The following AUTS2 variants were observed in gnomAD, a reference collection of about 807,000 sequenced individuals.
AUTS2 encodes the protein autism susceptibility gene 2 protein.
Under a neutral mutation model 112.4 loss-of-function variants are expected in AUTS2, and 17 were observed. That is an observed-to-expected ratio of 0.15 (90% CI 0.10 to 0.23). AUTS2 has a LOEUF of 0.23. Among genes scored for constraint, AUTS2 ranks in the 10% least tolerant of loss-of-function variants. The pLI is 1.00. For missense variants in AUTS2, 1,510 were observed against 1,701.6 expected (o/e 0.89, Z 1.98); for synonymous variants, 751 against 702.7 (o/e 1.07, Z -1.09).
At chr7:70,282,039 T>G (rs1329040803) in intron 4 of AUTS2, among the ~76,000 whole-genome samples, 2 of 152,178 alleles carry the variant, frequency 1.3e-5, no homozygotes. Flanking sequence ...ATGATAATTT[T>G]GAGTTCTTGG....
intron 5 of AUTS2, among the ~76,000 whole-genome samples, chr7:70,665,729 G>C (rs994713055): frequency 3.7e-4 from 56 of 152,042 alleles, no homozygotes; most frequent in African/African-American, 1.3e-3. Flanking sequence ...AACCAAACTT[G>C]GATCAAAAAT....
chr7:70,622,195 G>A (rs989763250), intron 5 of AUTS2, among the ~76,000 whole-genome samples: 4 of 152,070 alleles, frequency 2.6e-5, no homozygotes, highest in Non-Finnish European at 5.9e-5. Flanking sequence ...TTCTTGGAGC[G>A]GAGATGTCCT....
chr7:70,576,763 T>C (rs1326674756), intron 5 of AUTS2, among the ~76,000 whole-genome samples: 1 of 126,488 alleles, frequency 7.9e-6, no homozygotes, highest in African/African-American at 2.6e-5. Context: ...AGTCTTTTCG[T>C]AATATATTAA....
chr7:70,438,862 G>A (rs1245224065), intron 5 of AUTS2, among the ~76,000 whole-genome samples: 1 of 152,216 alleles, frequency 6.6e-6, no homozygotes, highest in African/African-American at 2.4e-5. Context: ...CACCAGGGAT[G>A]CTGTTGGAGG....
chr7:70,527,960 A>G (rs1034592890), intron 5 of AUTS2, among the ~76,000 whole-genome samples: 19 of 152,246 alleles, frequency 1.2e-4, no homozygotes, highest in Non-Finnish European at 2.1e-4. Context: ...TTCTCTGTTG[A>G]GAGGAATTAG....
At chr7:70,367,989 G>A (rs1291226299) in intron 4 of AUTS2, among the ~76,000 whole-genome samples, 1 of 152,206 alleles carries the variant, frequency 6.6e-6, no homozygotes, top group East Asian at 1.9e-4. Context: ...GCTGAAAAGA[G>A]AAGCAAAGTG....
chr7:70,491,021 C>A (rs1275207014), intron 5 of AUTS2, among the ~76,000 whole-genome samples: 1 of 152,168 alleles, frequency 6.6e-6, no homozygotes, highest in African/African-American at 2.4e-5. Flanking sequence ...TGGCATGGGC[C>A]AGTTTCATCC....
intron 2 of AUTS2, among the ~76,000 whole-genome samples, chr7:69,935,535 G>T (rs890436162): frequency 1.3e-5 from 2 of 152,144 alleles, no homozygotes; most frequent in Admixed American, 1.3e-4. Flanking sequence ...GGTTTTAGAT[G>T]TGACCATTAG....
intron 2 of AUTS2, among the ~76,000 whole-genome samples, chr7:70,083,445 T>G (rs2129565443): frequency 6.6e-6 from 1 of 152,320 alleles, no homozygotes; most frequent in Admixed American, 6.5e-5. Flanking sequence ...TGCACCCATA[T>G]AGCATATACA....
intron 4 of AUTS2, among the ~76,000 whole-genome samples, chr7:70,355,644 C>T (rs539320143): frequency 6.6e-6 from 1 of 152,242 alleles, no homozygotes; most frequent in East Asian, 1.9e-4. Context: ...TCTTTTTTCC[C>T]TGCCAGTGAG....
intron 1 of AUTS2, among the ~76,000 whole-genome samples, chr7:69,742,111 CTTTT>C (rs752148406): frequency 1.6e-5 from 2 of 125,700 alleles, no homozygotes; most frequent in Non-Finnish European, 1.7e-5. Context: ...CCTATTTTAC[CTTTT>C]TTTTTTTTTT....
intron 1 of AUTS2, among the ~76,000 whole-genome samples, chr7:69,798,428 C>T (rs1789943018): frequency 6.6e-6 from 1 of 152,136 alleles, no homozygotes; most frequent in Non-Finnish European, 1.5e-5. Context: ...TTCCATATGC[C>T]TTTCCTTTCC....
intron 1 of AUTS2, among the ~76,000 whole-genome samples, chr7:69,893,558 C>T (rs1183048702): frequency 6.6e-6 from 1 of 152,116 alleles, no homozygotes. Flanking sequence ...TTTAAGGTCT[C>T]TAAGATCAGA....
At chr7:70,349,301 C>G (rs1250658712) in intron 4 of AUTS2, among the ~76,000 whole-genome samples, 1 of 152,050 alleles carries the variant, frequency 6.6e-6, no homozygotes, top group Non-Finnish European at 1.5e-5. Context: ...CAAGACAGAC[C>G]ATAATCAGCA....
At chr7:69,774,805 C>T (rs1788823140) in intron 1 of AUTS2, among the ~76,000 whole-genome samples, 1 of 152,118 alleles carries the variant, frequency 6.6e-6, no homozygotes, top group Admixed American at 6.5e-5. Flanking sequence ...CCTGAAGATT[C>T]TGGTTCAGTA....
intron 1 of AUTS2, among the ~76,000 whole-genome samples, chr7:69,854,127 C>T (rs750433763): frequency 3.3e-5 from 5 of 152,144 alleles, no homozygotes; most frequent in Non-Finnish European, 7.4e-5. Flanking sequence ...TTGGAATACC[C>T]TAATACCGAT....
chr7:70,212,912 T>C (rs1810980948), intron 4 of AUTS2, among the ~76,000 whole-genome samples: 1 of 152,130 alleles, frequency 6.6e-6, no homozygotes, highest in African/African-American at 2.4e-5. Flanking sequence ...AATACATAGA[T>C]ACATACAGTC....
intron 1 of AUTS2, among the ~76,000 whole-genome samples, chr7:69,787,717 A>G (rs929517013): frequency 6.6e-6 from 1 of 151,950 alleles, no homozygotes; most frequent in Non-Finnish European, 1.5e-5. Context: ...ATACCCAGCT[A>G]ATTTTTGAAG....
At chr7:70,033,702 T>C (rs1400403267) in intron 2 of AUTS2, among the ~76,000 whole-genome samples, 2 of 152,214 alleles carry the variant, frequency 1.3e-5, no homozygotes, top group East Asian at 1.9e-4. Context: ...GAGGAACTTA[T>C]TGGTGTTTTA....
Sources: gnomAD v4.1 joint callset for allele counts (sites outside exome capture counted in the v4.1 genomes callset) on GRCh38, gnomAD v4.1.1 for gene constraint, MANE v1.5 for transcripts, NCBI Gene and HGNC (gene_info 2026-07-23, HGNC 2026-07-21) for gene names.